RPA1: variants seen among roughly 807,000 people sequenced by gnomAD.
RPA1 encodes replication protein A 70 kDa DNA-binding subunit.
A neutral mutation model predicts 83.0 loss-of-function variants in RPA1; 49 were observed. That is an observed-to-expected ratio of 0.59 (90% CI 0.47 to 0.75). The LOEUF is 0.75. RPA1 is among the 30% of genes least tolerant of loss of function. The probability of loss-of-function intolerance (pLI) is 0.00; values close to 1 mark genes in which losing one functional copy is unlikely to be tolerated. For missense variants in RPA1, 693 were observed against 776.1 expected (o/e 0.89, Z 1.27); for synonymous variants, 279 against 281.8 (o/e 0.99, Z 0.10).
At chr17:1,856,550 G>A (rs1912705548) in intron 5 of RPA1, among the ~76,000 whole-genome samples, 1 of 152,120 alleles carries the variant, frequency 6.6e-6, no homozygotes, top group South Asian at 2.1e-4. Context: ...AGTGAGCTGA[G>A]ATCATGCCAC....
At chr17:1,893,363 C>A (rs1914270136) in intron 15 of RPA1, among the ~76,000 whole-genome samples, 1 of 152,256 alleles carries the variant, frequency 6.6e-6, no homozygotes, top group African/African-American at 2.4e-5. Flanking sequence ...CCACGCCCCT[C>A]ATCTTGGAAG....
chr17:1,888,969 G>A (rs1914101408), intron 14 of RPA1, 118 bp downstream of exon 14: 5 of 1,091,480 alleles, frequency 4.6e-6, no homozygotes, highest in Non-Finnish European at 6.5e-6. Context: ...CCGCAGATGA[G>A]TAGGTGTGGA....
intron 4 of RPA1, among the ~76,000 whole-genome samples, chr17:1,852,080 G>A (rs1366923335): frequency 6.6e-6 from 1 of 152,000 alleles, no homozygotes; most frequent in African/African-American, 2.4e-5. Flanking sequence ...CTCTTCTCTT[G>A]GTCTCCCTGC....
intron 5 of RPA1, among the ~76,000 whole-genome samples, chr17:1,867,431 G>T (rs911702389): frequency 1.3e-5 from 2 of 152,144 alleles, no homozygotes; most frequent in African/African-American, 4.8e-5. Flanking sequence ...GATGGGCTGG[G>T]CTCAGTGGCT....
At chr17:1,881,707 C>T (rs181749921) in intron 12 of RPA1, among the ~76,000 whole-genome samples, 3 of 152,272 alleles carry the variant, frequency 2.0e-5, no homozygotes, top group Non-Finnish European at 1.5e-5. Flanking sequence ...TTAATGTCTT[C>T]ATCTTTTACT....
chr17:1,852,764 T>C (rs984831656), intron 4 of RPA1, among the ~76,000 whole-genome samples: 5 of 152,256 alleles, frequency 3.3e-5, no homozygotes, highest in Admixed American at 2.6e-4. Flanking sequence ...GAAAAAGTCA[T>C]TGTTGAGATA....
intron 5 of RPA1, among the ~76,000 whole-genome samples, chr17:1,858,709 C>T (rs1343426517): frequency 1.3e-5 from 2 of 151,800 alleles, no homozygotes; most frequent in Non-Finnish European, 1.5e-5. Flanking sequence ...AAGTGATCTG[C>T]GTGCCTCAGC....
intron 4 of RPA1, among the ~76,000 whole-genome samples, chr17:1,850,464 G>C (rs1912450453): frequency 6.6e-6 from 1 of 151,576 alleles, no homozygotes. Context: ...TTGAAACCAG[G>C]AGGCGGAGGT....
chr17:1,837,550 C>T (rs1334102445), intron 1 of RPA1, among the ~76,000 whole-genome samples: 1 of 152,154 alleles, frequency 6.6e-6, no homozygotes, highest in African/African-American at 2.4e-5. Flanking sequence ...CAACCTTTTC[C>T]AGTGTGATCA....
At chr17:1,844,505 A>G in intron 3 of RPA1, 73 bp from the exon 4 acceptor site, 1 of 1,136,858 alleles carries the variant, frequency 8.8e-7, no homozygotes, top group Non-Finnish European at 1.3e-6. Context: ...CTTTGCTAGC[A>G]CAGGTATGAG....
chr17:1,891,982 G>T (rs1257853493), intron 15 of RPA1, 42 bp downstream of exon 15: 1 of 1,390,926 alleles, frequency 7.2e-7, no homozygotes, highest in Non-Finnish European at 1.0e-6. Context: ...ACTTTTAATG[G>T]TTCTCATTCT....
intron 1 of RPA1, among the ~76,000 whole-genome samples, chr17:1,839,788 GTTTTTTT>G: frequency 1.4e-5 from 1 of 68,974 alleles, no homozygotes; most frequent in South Asian, 5.8e-4. Context: ...CGCCCAGCTA[GTTTTTTT>G]TTTTTTTTTT....
At chr17:1,835,008 C>T (rs1367862207) in intron 1 of RPA1, among the ~76,000 whole-genome samples, 2 of 152,178 alleles carry the variant, frequency 1.3e-5, no homozygotes, top group Middle Eastern at 3.4e-3. Flanking sequence ...TGCGCCACCA[C>T]GCCCAGCTAA....
chr17:1,874,030 TATACACACACAC>T (rs1296061301), intron 6 of RPA1, among the ~76,000 whole-genome samples: 1 of 90,892 alleles, frequency 1.1e-5, no homozygotes, highest in South Asian at 3.6e-4. Context: ...TATATATATA[TATACACACACAC>T]ACACACACAC....
intron 1 of RPA1, among the ~76,000 whole-genome samples, chr17:1,832,952 A>C (rs996410295): frequency 6.6e-6 from 1 of 152,006 alleles, no homozygotes; most frequent in Non-Finnish European, 1.5e-5. Context: ...TTTGAGACAG[A>C]GTCTTGCTCT....
In RPA1 at chr17:1,853,192, A is replaced by G; in HGVS notation, c.361+3A>G. On this transcript the variant is annotated splice_donor_region_variant and intron_variant, in intron 5 of 16. Transcript: ENST00000254719. ...CAATCCAGTGCCCTATAATGAAGGT[A>G]AAATGCTTTGGCGTAGGTTGTAGCA... 6.2e-7 allele frequency: 1 copy of G among 1,612,562 alleles called. No individual in the cohort carries two copies. Among genetic ancestry groups the G allele is most frequent in the East Asian group, 2.2e-5 (1 of 44,868 alleles).
chr17:1,857,247 C>CT (rs1407553317), intron 5 of RPA1, among the ~76,000 whole-genome samples: 1 of 136,876 alleles, frequency 7.3e-6, no homozygotes, highest in Non-Finnish European at 1.5e-5. Context: ...GGGATTTTCT[C>CT]TTTTTTTCTT....
intron 4 of RPA1, among the ~76,000 whole-genome samples, chr17:1,847,045 G>A (rs900391739): frequency 3.3e-5 from 5 of 152,164 alleles, no homozygotes; most frequent in Admixed American, 6.5e-5. Flanking sequence ...TCGCTTTTGG[G>A]AAGTGTCACT....
chr17:1,851,274 CGTGTGT>C (rs60091737), intron 4 of RPA1, among the ~76,000 whole-genome samples: 62,201 of 151,394 alleles, frequency 0.41, 13,022 homozygotes, highest in East Asian at 0.53. Flanking sequence ...TGTGCGTGTG[CGTGTGT>C]GTGTGTGTGC....
Sources: allele counts gnomAD v4.1 joint callset (sites outside exome capture counted in the v4.1 genomes callset), GRCh38; gene constraint gnomAD v4.1.1; transcripts MANE v1.5; gene names NCBI Gene and HGNC (gene_info 2026-07-23, HGNC 2026-07-21).